The following SLC16A10 variants were observed in gnomAD, a reference collection of about 807,000 sequenced individuals.
The protein encoded by SLC16A10 is monocarboxylate transporter 10.
In SLC16A10, 27 loss-of-function variants were observed where a neutral mutation model predicts 40.0. The observed-to-expected ratio is 0.67, with a 90% CI of 0.50 to 0.93. The LOEUF (loss-of-function observed/expected upper bound fraction) is 0.93, where lower values mean the gene tolerates loss of function less well. Among genes scored for constraint, SLC16A10 ranks in the 40% least tolerant of loss-of-function variants. The pLI is 0.00. For synonymous variants in SLC16A10, 213 were observed against 249.8 expected, an observed-to-expected ratio of 0.85 and a Z score of 1.39; for missense variants, 529 against 658.2, an observed-to-expected ratio of 0.80 and a Z score of 2.15.
chr6:111,141,942 A>G (rs1771990801), intron 1 of SLC16A10, among the ~76,000 whole-genome samples: 1 of 152,216 alleles, frequency 6.6e-6, no homozygotes, highest in African/African-American at 2.4e-5. Context: ...GATATTGACA[A>G]ACTGATTCTA....
intron 1 of SLC16A10, among the ~76,000 whole-genome samples, chr6:111,136,854 T>C (rs1562408720): frequency 6.6e-6 from 1 of 152,154 alleles, no homozygotes; most frequent in African/African-American, 2.4e-5. Context: ...GCACTAGAAT[T>C]AGGAGAAGGA....
intron 4 of SLC16A10, among the ~76,000 whole-genome samples, chr6:111,217,985 A>G (rs960207573): frequency 5.3e-5 from 8 of 152,220 alleles, no homozygotes; most frequent in African/African-American, 1.9e-4. Context: ...AGTAGGCAAA[A>G]TCAGGTGTTC....
intron 5 of SLC16A10, among the ~76,000 whole-genome samples, chr6:111,220,668 T>C (rs995114445): frequency 2.6e-5 from 4 of 152,222 alleles, no homozygotes; most frequent in Non-Finnish European, 5.9e-5. Flanking sequence ...GCAGGTAATA[T>C]AGTATTCACT....
At chr6:111,221,756 AAAC>A (rs1770898586) in intron 5 of SLC16A10, among the ~76,000 whole-genome samples, 1 of 152,046 alleles carries the variant, frequency 6.6e-6, no homozygotes, top group Non-Finnish European at 1.5e-5. Context: ...AAAAAAAAAA[AAAC>A]GTCTACCTTT....
intron 1 of SLC16A10, among the ~76,000 whole-genome samples, chr6:111,121,198 G>A (rs1238043248): frequency 6.6e-6 from 1 of 152,162 alleles, no homozygotes; most frequent in Non-Finnish European, 1.5e-5. Flanking sequence ...ACTCCCTGTT[G>A]GAGGAATTGA....
At chr6:111,209,134 C>A (rs1309011804) in intron 4 of SLC16A10, among the ~76,000 whole-genome samples, 1 of 151,992 alleles carries the variant, frequency 6.6e-6, no homozygotes, top group Non-Finnish European at 1.5e-5. Context: ...GAGCCTAGGA[C>A]TTTGAGATTA....
At position 111,195,711 on chromosome 6, in the gene SLC16A10, G is replaced by C. The variant is rs137896712; in HGVS notation, c.943-10881G>C. Among the ~76,000 whole-genome samples the C allele has an allele frequency of 2.6e-5, 4 of 152,236 alleles. No homozygotes were observed. The East Asian group carries it at 7.7e-4, about 29-fold the overall frequency. On this transcript the variant is annotated intron_variant, in intron 3 of 5. Transcript: ENST00000368851. ...AAGATTTTAGCCTCAATAAGGAGTA[G>C]AGTTCATAATTTGACTCCAAAGACA...
chr6:111,138,839 G>A (rs1771929746), intron 1 of SLC16A10, among the ~76,000 whole-genome samples: 1 of 152,086 alleles, frequency 6.6e-6, no homozygotes, highest in Non-Finnish European at 1.5e-5. Flanking sequence ...TCTTCTGACA[G>A]TTTTGGGGCT....
chr6:111,222,049 C>T lies in SLC16A10; in HGVS notation c.1362C>T (p.Leu454=), dbSNP rs541422762. The change falls in exon 6 of 6, where the codon CTC becomes CTT. Residue 454 remains leucine, a synonymous_variant. Coordinates refer to ENST00000368851, the MANE Select transcript of SLC16A10 (RefSeq NM_018593.5). ...GCTCCTATGATGTGGCATTCTACCTCGCTGGAGTCCCTCCCCTTATTGGAG... is the reference window on the plus strand; with the variant it reads ...GCTCCTATGATGTGGCATTCTACCTTGCTGGAGTCCCTCCCCTTATTGGAG... The part of the protein sequence containing the change: ...KLGSYDVAFY[L]AGVPPLIGGA... The T allele has an allele frequency of 6.5e-5, 105 of 1,610,584 alleles. No homozygotes were observed. In the East Asian group the frequency reaches 1.1e-3, roughly 17 times the overall value.
intron 1 of SLC16A10, among the ~76,000 whole-genome samples, chr6:111,139,287 A>G (rs1038609575): frequency 6.6e-6 from 1 of 151,308 alleles, no homozygotes; most frequent in Non-Finnish European, 1.5e-5. Context: ...GCCCTTTTTC[A>G]GATCTAGACC....
At chr6:111,119,513 G>C (rs1771546656) in intron 1 of SLC16A10, among the ~76,000 whole-genome samples, 1 of 152,182 alleles carries the variant, frequency 6.6e-6, no homozygotes, top group African/African-American at 2.4e-5. Flanking sequence ...AGCTTGTGAG[G>C]TGTACAAAAA....
chr6:111,198,904 G>A (rs1319402831), intron 3 of SLC16A10, among the ~76,000 whole-genome samples: 1 of 152,124 alleles, frequency 6.6e-6, no homozygotes, highest in Non-Finnish European at 1.5e-5. Context: ...ATACCTCAAA[G>A]GAGCATGAAT....
chr6:111,140,086 A>G (rs1250696764), intron 1 of SLC16A10, among the ~76,000 whole-genome samples: 1 of 152,212 alleles, frequency 6.6e-6, no homozygotes, highest in East Asian at 1.9e-4. Context: ...ATGTAATAAT[A>G]TGTACAACAA....
intron 3 of SLC16A10, among the ~76,000 whole-genome samples, chr6:111,205,177 T>G (rs957315216): frequency 2.0e-5 from 3 of 152,156 alleles, no homozygotes; most frequent in East Asian, 3.8e-4. Flanking sequence ...CAGTTAATAG[T>G]TTTGAAAGAG....
At chr6:111,193,153 C>T (rs767686473) in intron 3 of SLC16A10, 160 of 324,194 alleles carry the variant, frequency 4.9e-4, no homozygotes, top group Non-Finnish European at 6.4e-4. Context: ...CTCCTGGTCT[C>T]ATGTGGTTAT....
intron 3 of SLC16A10, among the ~76,000 whole-genome samples, chr6:111,202,674 G>A (rs1773188075): frequency 1.3e-5 from 2 of 151,798 alleles, no homozygotes; most frequent in South Asian, 2.1e-4. Flanking sequence ...GGATCATGAG[G>A]TCAGGAGTTC....
At chr6:111,139,468 ATTTTT>A (rs1308561117) in intron 1 of SLC16A10, among the ~76,000 whole-genome samples, 1 of 151,914 alleles carries the variant, frequency 6.6e-6, no homozygotes, top group Admixed American at 6.6e-5. Flanking sequence ...CATCCAGCTA[ATTTTT>A]TTATTTTTAG....
Position 111,222,078 on chromosome 6 carries a change from C to T in SLC16A10, c.1391C>T (p.Ala464Val), listed in dbSNP as rs1348235492. 1.3e-5 allele frequency: 21 copies of T among 1,610,428 alleles called. No individual in the cohort carries two copies. The highest frequency in any genetic ancestry group is 1.7e-5 in the Admixed American group (1 of 58,854). The change falls in exon 6 of 6, where the codon GCT becomes GTT. Residue 464 changes from alanine to valine, a missense_variant. Transcript: ENST00000368851. ...GGAGTCCCTCCCCTTATTGGAGGTG[C>T]TGTGCTTTGTTTTATCCCGTGGATC... ...LAGVPPLIGG[A>V]VLCFIPWIHS...
chr6:111,168,323 G>T (rs955472470), intron 1 of SLC16A10, among the ~76,000 whole-genome samples: 5 of 152,166 alleles, frequency 3.3e-5, no homozygotes, highest in African/African-American at 9.7e-5. Context: ...TGGATATATT[G>T]TAGTAGCTAT....
Sources: gnomAD v4.1 joint callset for allele counts (sites outside exome capture counted in the v4.1 genomes callset) on GRCh38, gnomAD v4.1.1 for gene constraint, MANE v1.5 for transcripts, NCBI Gene and HGNC (gene_info 2026-07-23, HGNC 2026-07-21) for gene names.